Variants in SNX25 observed in about 807,000 individuals in gnomAD.
SNX25 encodes sorting nexin 25.
SNX25 carries 62 observed loss-of-function variants against 113.7 expected under a neutral mutation model. That is an observed-to-expected ratio of 0.55 (90% CI 0.44 to 0.67). SNX25 has a LOEUF of 0.67. SNX25 is among the 30% of genes least tolerant of loss of function. SNX25 has a pLI of 0.00. For missense variants in SNX25, 1,014 were observed against 1,161.0 expected, an observed-to-expected ratio of 0.87 and a Z score of 1.84; for synonymous variants, 421 against 436.2, an observed-to-expected ratio of 0.97 and a Z score of 0.43.
chr4:185,373,848 AT>A (rs1268233257), downstream of SNX25, among the ~76,000 whole-genome samples: 1 of 152,196 alleles, frequency 6.6e-6, no homozygotes, highest in Non-Finnish European at 1.5e-5. Context: ...TCATCTGTTC[AT>A]GCTTAGAAGG....
chr4:185,249,538 T>G (rs1279286112), intron 2 of SNX25, among the ~76,000 whole-genome samples: 1 of 152,206 alleles, frequency 6.6e-6, no homozygotes, highest in African/African-American at 2.4e-5. Context: ...AAGATTTTTC[T>G]CCTAGTTTGT....
chr4:185,225,791 A>G (rs752736522), intron 1 of SNX25, among the ~76,000 whole-genome samples: 5 of 152,186 alleles, frequency 3.3e-5, no homozygotes, highest in African/African-American at 4.8e-5. Flanking sequence ...TGGATGGGAA[A>G]ACTGAGGTTT....
At chr4:185,305,637 T>G (rs560377509) in intron 6 of SNX25, among the ~76,000 whole-genome samples, 2 of 152,326 alleles carry the variant, frequency 1.3e-5, no homozygotes, top group South Asian at 2.1e-4. Context: ...AAAGCATTTC[T>G]GTGATGTTAT....
chr4:185,343,158 T>C (rs2095268894), intron 12 of SNX25, among the ~76,000 whole-genome samples: 1 of 152,188 alleles, frequency 6.6e-6, no homozygotes, highest in Non-Finnish European at 1.5e-5. Context: ...TACAAAGAGC[T>C]AGGATTATAG....
chr4:185,303,681 A>G (rs1754034733), intron 6 of SNX25, among the ~76,000 whole-genome samples: 1 of 150,508 alleles, frequency 6.6e-6, no homozygotes, highest in East Asian at 1.9e-4. Flanking sequence ...AAAAAAAAAA[A>G]GCAAGGCAGG....
downstream of SNX25, chr4:185,365,319 T>G (rs1008184169): frequency 1.3e-5 from 2 of 152,100 alleles, no homozygotes; most frequent in Non-Finnish European, 2.9e-5. Context: ...GCTCTTTACT[T>G]AGGGCCGATC....
At chr4:185,303,146 C>T (rs1753946160) in intron 6 of SNX25, among the ~76,000 whole-genome samples, 4 of 152,204 alleles carry the variant, frequency 2.6e-5, no homozygotes, top group Non-Finnish European at 2.9e-5. Context: ...TCCTGAGTTT[C>T]GTCCTGGGCT....
intron 5 of SNX25, among the ~76,000 whole-genome samples, chr4:185,272,013 A>C (rs1298364331): frequency 6.6e-6 from 1 of 152,186 alleles, no homozygotes. Flanking sequence ...TGTATATTCC[A>C]CTAGCTTTTG....
chr4:185,350,881 G>T (rs1194407292), intron 13 of SNX25, among the ~76,000 whole-genome samples: 1 of 152,038 alleles, frequency 6.6e-6, no homozygotes, highest in Non-Finnish European at 1.5e-5. Flanking sequence ...GAAAAGAAAA[G>T]AAATTGTTAC....
intron 9 of SNX25, among the ~76,000 whole-genome samples, chr4:185,326,102 G>A (rs2095155492): frequency 6.6e-6 from 1 of 152,212 alleles, no homozygotes; most frequent in African/African-American, 2.4e-5. Context: ...AGAGAAACAA[G>A]TATGCTCCAA....
chr4:185,228,338 G>A (rs541897169), intron 1 of SNX25, among the ~76,000 whole-genome samples: 1 of 152,220 alleles, frequency 6.6e-6, no homozygotes, highest in South Asian at 2.1e-4. Context: ...ACATGCCTGG[G>A]GGGCAGGATC....
chr4:185,275,746 C>T (rs147047473), intron 5 of SNX25, among the ~76,000 whole-genome samples: 39 of 152,244 alleles, frequency 2.6e-4, no homozygotes, highest in Non-Finnish European at 4.6e-4. Flanking sequence ...AGTGTACCTC[C>T]ATACAAACTA....
chr4:185,344,481 G>A (rs976169289), intron 12 of SNX25, among the ~76,000 whole-genome samples: 8 of 152,148 alleles, frequency 5.3e-5, no homozygotes, highest in East Asian at 1.9e-4. Flanking sequence ...CGTGGTGTGC[G>A]CTTAACAAGC....
intron 15 of SNX25, among the ~76,000 whole-genome samples, 194 bp downstream of exon 15, chr4:185,353,796 A>G (rs2095326880): frequency 6.6e-6 from 1 of 152,228 alleles, no homozygotes; most frequent in African/African-American, 2.4e-5. Flanking sequence ...CTGTAATCCC[A>G]GCACTTTGGG....
intron 6 of SNX25, among the ~76,000 whole-genome samples, chr4:185,304,096 A>G (rs118045043): frequency 2.0e-5 from 3 of 152,314 alleles, no homozygotes; most frequent in East Asian, 3.9e-4. Flanking sequence ...AAGTAAATAT[A>G]TACCTGTTTC....
At chr4:185,239,909 T>TGCG (rs1186373081) in intron 1 of SNX25, among the ~76,000 whole-genome samples, 1 of 150,152 alleles carries the variant, frequency 6.7e-6, no homozygotes, top group Non-Finnish European at 1.5e-5. Context: ...CAGAGGACCC[T>TGCG]GCGGCCTTCC....
At chr4:185,279,980 G>A (rs1750334566) in intron 5 of SNX25, among the ~76,000 whole-genome samples, 1 of 152,010 alleles carries the variant, frequency 6.6e-6, no homozygotes, top group African/African-American at 2.4e-5. Context: ...GAGTGCAGTG[G>A]CGCGATCACA....
At chr4:185,293,280 C>G (rs545032154) in intron 6 of SNX25, among the ~76,000 whole-genome samples, 64 of 152,296 alleles carry the variant, frequency 4.2e-4, no homozygotes, top group Admixed American at 7.2e-4. Context: ...ATTTCTACTC[C>G]TAGGTGTATA....
chr4:185,325,946 G>A (rs180673882), intron 9 of SNX25, among the ~76,000 whole-genome samples: 8 of 152,270 alleles, frequency 5.3e-5, no homozygotes, highest in East Asian at 1.9e-4. Flanking sequence ...CATTCCAGTC[G>A]AAGCATGGGT....
Sources: allele counts gnomAD v4.1 joint callset (sites outside exome capture counted in the v4.1 genomes callset), GRCh38; gene constraint gnomAD v4.1.1; transcripts MANE v1.5; gene names NCBI Gene and HGNC (gene_info 2026-07-23, HGNC 2026-07-21).